RIPK2: variants seen among roughly 807,000 people sequenced by gnomAD.
RIPK2 encodes receptor interacting serine/threonine kinase 2, also known as receptor-interacting serine/threonine-protein kinase 2.
Under a neutral mutation model 60.9 loss-of-function variants are expected in RIPK2, and 38 were observed. The ratio of observed to expected loss-of-function variants is 0.62; its 90% confidence interval spans 0.48 to 0.82. RIPK2 has a LOEUF of 0.82. RIPK2 is among the 40% of genes least tolerant of loss of function. RIPK2 has a pLI of 0.00. For missense variants in RIPK2, 518 were observed against 647.0 expected (o/e 0.80, Z 2.16); for synonymous variants, 225 against 223.4 (o/e 1.01, Z -0.06).
At chr8:89,781,650 T>A (rs1410799819) in intron 7 of RIPK2, among the ~76,000 whole-genome samples, 1 of 152,192 alleles carries the variant, frequency 6.6e-6, no homozygotes, top group Non-Finnish European at 1.5e-5. Flanking sequence ...GTAGATAAGA[T>A]AACTAAGGTA....
rs772218220 is a variant in RIPK2 at position 89,790,252 on chromosome 8, G to A, written c.1459G>A (p.Val487Ile). ...VSTKPTRTSK[V>I]RQLLDTTDIQ... ...TACCAAGCCTACAAGGACCTCAAAA[G>A]TCAGACAATTACTAGACACTACTGA... Residue 487 changes from valine to isoleucine, a missense_variant, in exon 11 of 11, where the codon GTC becomes ATC. Val to Ile is a conservative substitution (Grantham distance 29). Coordinates refer to ENST00000220751, the MANE Select transcript of RIPK2 (RefSeq NM_003821.6). 1 of 1,614,102 alleles carries A rather than the reference G, an allele frequency of 6.2e-7. No homozygotes were observed. Among genetic ancestry groups the A allele is most frequent in the Admixed American group, 1.7e-5 (1 of 60,018 alleles).
rs751677459 is a variant in RIPK2, at chr8:89,765,511, A to G, written c.483+15A>G. ...TTCATGTTAAGGTAATTACTTTTTT[A>G]AAAAGTTTATGTTTCCTTGTCCTTA... On this transcript the variant is annotated intron_variant, in intron 3 of 10. Coordinates refer to ENST00000220751, the MANE Select transcript of RIPK2 (RefSeq NM_003821.6). 4 of 1,516,798 alleles carry G rather than the reference A, an allele frequency of 2.6e-6. 1 individual carries two copies. The highest frequency in any genetic ancestry group is 4.5e-5 in the East Asian group (2 of 44,058). The allele number at this position is 1,516,798 out of a possible 1,614,324, so 94.0% of individuals were successfully genotyped here.
chr8:89,786,150 G>A (rs1784077337), intron 8 of RIPK2, among the ~76,000 whole-genome samples: 1 of 152,192 alleles, frequency 6.6e-6, no homozygotes, highest in Non-Finnish European at 1.5e-5. Flanking sequence ...AGATGTATGT[G>A]TTTCTTTAAT....
chr8:89,760,744 C>T (rs186630347), intron 1 of RIPK2, among the ~76,000 whole-genome samples: 2 of 152,310 alleles, frequency 1.3e-5, no homozygotes, highest in Admixed American at 1.3e-4. Context: ...AGAGGGTGAT[C>T]TTAAGATGCT....
At chr8:89,759,342 T>TTAAA in intron 1 of RIPK2, 1 of 456,328 alleles carries the variant, frequency 2.2e-6, no homozygotes, top group South Asian at 1.5e-5. Context: ...AGGCCCAGCA[T>TTAAA]TCAGTTCTTA....
At chr8:89,774,880 G>A (rs1369207728) in intron 6 of RIPK2, among the ~76,000 whole-genome samples, 1 of 152,138 alleles carries the variant, frequency 6.6e-6, no homozygotes, top group Admixed American at 6.5e-5. Context: ...TAGTCCTTGT[G>A]TCTTGGAAGT....
chr8:89,772,785 A>G lies in RIPK2; in HGVS notation c.810A>G (p.Glu270=). Residue 270 remains glutamate (E), a synonymous_variant, in exon 6 of 11, where the codon GAA becomes GAG. Transcript: ENST00000220751. ...GAGCACGTATGATCTCTCTAATAGAAAGTGGATGGGCACAAAATCCAGATG... is the reference window on the plus strand; with the variant it reads ...GAGCACGTATGATCTCTCTAATAGAGAGTGGATGGGCACAAAATCCAGATG... ...PHRARMISLI[E]SGWAQNPDER... 1 of 1,608,656 alleles carries G rather than the reference A, an allele frequency of 6.2e-7. No homozygotes were observed. The highest frequency in any genetic ancestry group is 8.5e-7 in the Non-Finnish European group (1 of 1,177,500).
chr8:89,786,604 A>C lies in RIPK2; in HGVS notation c.1041A>C (p.Gly347=). 3 of 1,568,970 alleles carry C rather than the reference A, an allele frequency of 1.9e-6. No homozygotes were observed. The highest frequency in any genetic ancestry group is 2.6e-6 in the Non-Finnish European group (3 of 1,144,662). Residue 347 remains glycine, a synonymous_variant, in exon 9 of 11, where the codon GGA becomes GGC. Coordinates refer to ENST00000220751, the MANE Select transcript of RIPK2 (RefSeq NM_003821.6). Reference sequence around the variant, plus strand: ...TTTATTTACTTTAGGAATCATGTGGATCCTCTCAGCTCCATGAAAATAGTG... The same window carrying C: ...TTTATTTACTTTAGGAATCATGTGGCTCCTCTCAGCTCCATGAAAATAGTG... ...VNHGPQEESC[G]SSQLHENSGS... is the part of the protein sequence containing the mutation.
At chr8:89,777,900 C>A (rs1283649864) in intron 6 of RIPK2, among the ~76,000 whole-genome samples, 1 of 151,734 alleles carries the variant, frequency 6.6e-6, no homozygotes, top group East Asian at 1.9e-4. Flanking sequence ...AAAAAAAAAT[C>A]AATAATAAGG....
rs570640191 is a variant in RIPK2, at chr8:89,758,245, C to T, written c.173+12C>T. 3.8e-6 allele frequency: 6 copies of T among 1,586,794 alleles called. No homozygotes were observed. The Admixed American group carries it at 6.9e-5, about 18-fold the overall frequency. The stretch of plus-strand genomic sequence containing the variant: ...CCGCTGCTCGACAGGTAGGCAGTCA[C>T]TGGGGTTCCCTGGAAGAGCCCTCAA... On this transcript the variant is annotated intron_variant, in intron 1 of 10. Transcript: ENST00000220751.
At chr8:89,765,782 T>G (rs1654799714) in intron 3 of RIPK2, among the ~76,000 whole-genome samples, 1 of 151,632 alleles carries the variant, frequency 6.6e-6, no homozygotes, top group Non-Finnish European at 1.5e-5. Context: ...TATTTTAAAA[T>G]TATTATATAT....
At chr8:89,767,885 A>G (rs970493520) in intron 3 of RIPK2, among the ~76,000 whole-genome samples, 5 of 151,780 alleles carry the variant, frequency 3.3e-5, no homozygotes, top group Non-Finnish European at 7.4e-5. Context: ...CCTGATAAAT[A>G]CCCTTTAGTT....
intron 8 of RIPK2, among the ~76,000 whole-genome samples, chr8:89,785,918 G>A (rs1809580077): frequency 6.6e-6 from 1 of 152,160 alleles, no homozygotes; most frequent in Non-Finnish European, 1.5e-5. Flanking sequence ...GTGCCTCCAT[G>A]TGGAAGGAAC....
intron 1 of RIPK2, chr8:89,759,185 T>G: frequency 2.7e-6 from 1 of 375,476 alleles, no homozygotes; most frequent in Admixed American, 2.9e-5. Flanking sequence ...TGGCTTTCAC[T>G]TATTGGTTTG....
intron 3 of RIPK2, among the ~76,000 whole-genome samples, chr8:89,769,545 G>A (rs562662091): frequency 4.9e-4 from 75 of 151,974 alleles, no homozygotes; most frequent in Non-Finnish European, 9.9e-4. Context: ...AATTTGTAAT[G>A]TTATATTAAA....
At chr8:89,761,121 A>G (rs557636044) in intron 1 of RIPK2, among the ~76,000 whole-genome samples, 1 of 152,340 alleles carries the variant, frequency 6.6e-6, no homozygotes, top group African/African-American at 2.4e-5. Context: ...CCTATTCAAA[A>G]AATAAATGAC....
intron 5 of RIPK2, 28 bp from the exon 6 acceptor site, chr8:89,772,639 A>G: frequency 6.6e-7 from 1 of 1,504,046 alleles, no homozygotes; most frequent in Non-Finnish European, 9.1e-7. Flanking sequence ...ATATATTACT[A>G]ATGAATGCAA....
chr8:89,779,310 G>GTTTTTTTTT (rs55784154), intron 6 of RIPK2, among the ~76,000 whole-genome samples: 90 of 79,098 alleles, frequency 1.1e-3, no homozygotes, highest in African/African-American at 1.6e-3. Context: ...CGGTTTTTGG[G>GTTTTTTTTT]TTTTTTTTTT....
At chr8:89,774,286 C>T (rs745998027) in intron 6 of RIPK2, among the ~76,000 whole-genome samples, 2 of 152,022 alleles carry the variant, frequency 1.3e-5, no homozygotes, top group Non-Finnish European at 2.9e-5. Flanking sequence ...CTAAAAAGCA[C>T]ATAAAATGAT....
Sources: gnomAD v4.1 joint callset for allele counts (sites outside exome capture counted in the v4.1 genomes callset) on GRCh38, gnomAD v4.1.1 for gene constraint, MANE v1.5 for transcripts, NCBI Gene and HGNC (gene_info 2026-07-23, HGNC 2026-07-21) for gene names.